The following PAN3 variants were observed in gnomAD, a reference collection of about 807,000 sequenced individuals.
PAN3 encodes PAN2-PAN3 deadenylation complex subunit PAN3.
PAN3 carries 19 observed loss-of-function variants against 96.2 expected under a neutral mutation model. The observed-to-expected ratio is 0.20, with a 90% confidence interval of 0.14 to 0.29. PAN3 has a LOEUF of 0.29. Among genes scored for constraint, PAN3 ranks in the 10% least tolerant of loss-of-function variants. PAN3 has a pLI of 1.00. For missense variants in PAN3, 882 were observed against 1,108.1 expected, an observed-to-expected ratio of 0.80 and a Z score of 2.90; for synonymous variants, 433 against 406.6, an observed-to-expected ratio of 1.06 and a Z score of -0.78.
chr13:28,151,383 T>C (rs1419177976), intron 1 of PAN3, among the ~76,000 whole-genome samples: 1 of 151,782 alleles, frequency 6.6e-6, no homozygotes, highest in Non-Finnish European at 1.5e-5. Context: ...GGCATGGTGG[T>C]GGGCACCTGT....
chr13:28,199,350 T>C (rs1236382234), intron 5 of PAN3, among the ~76,000 whole-genome samples: 1 of 151,872 alleles, frequency 6.6e-6, no homozygotes, highest in African/African-American at 2.4e-5. Flanking sequence ...GCTTGAAAAA[T>C]CTTTAGGTTG....
intron 6 of PAN3, among the ~76,000 whole-genome samples, chr13:28,235,386 C>T (rs1166601901): frequency 6.6e-6 from 1 of 152,170 alleles, no homozygotes; most frequent in Admixed American, 6.6e-5. Context: ...CCCTTTGACT[C>T]TACTTCATAT....
chr13:28,195,884 G>C (rs1158174490), intron 4 of PAN3, among the ~76,000 whole-genome samples: 1 of 152,002 alleles, frequency 6.6e-6, no homozygotes, highest in African/African-American at 2.4e-5. Context: ...CTTGTGGAGT[G>C]GAGAATCTAA....
intron 16 of PAN3, among the ~76,000 whole-genome samples, 198 bp from the exon 17 acceptor site, chr13:28,281,117 T>G (rs1887439759): frequency 6.6e-6 from 1 of 152,212 alleles, no homozygotes; most frequent in Admixed American, 6.5e-5. Flanking sequence ...TATGGACAGC[T>G]CCATAATCTT....
At chr13:28,190,264 A>T (rs1877075137) in intron 4 of PAN3, among the ~76,000 whole-genome samples, 1 of 152,078 alleles carries the variant, frequency 6.6e-6, no homozygotes, top group African/African-American at 2.4e-5. Flanking sequence ...GTTTTTTGAG[A>T]TAGAGCCTCA....
chr13:28,195,489 A>G (rs536321960), intron 4 of PAN3, among the ~76,000 whole-genome samples: 3 of 152,206 alleles, frequency 2.0e-5, no homozygotes, highest in African/African-American at 7.2e-5. Context: ...ATGCAAGTTT[A>G]GTTATTTTTG....
chr13:28,220,469 T>G (rs951254314), intron 6 of PAN3, 91 bp downstream of exon 6: 2 of 1,413,758 alleles, frequency 1.4e-6, no homozygotes, highest in Admixed American at 2.2e-5. Flanking sequence ...ATTGTATACT[T>G]GAATGATTCA....
chr13:28,283,682 A>G (rs1025948981), intron 17 of PAN3, among the ~76,000 whole-genome samples: 1 of 152,254 alleles, frequency 6.6e-6, no homozygotes, highest in East Asian at 1.9e-4. Flanking sequence ...AATAGTTTAC[A>G]AATATGACCT....
At chr13:28,278,881 A>G (rs1887255698) in intron 15 of PAN3, among the ~76,000 whole-genome samples, 1 of 152,140 alleles carries the variant, frequency 6.6e-6, no homozygotes, top group Non-Finnish European at 1.5e-5. Flanking sequence ...ACATGGGTAT[A>G]GCTATTCATT....
intron 7 of PAN3, among the ~76,000 whole-genome samples, chr13:28,259,354 T>C (rs1225846161): frequency 6.6e-6 from 1 of 151,482 alleles, no homozygotes; most frequent in Non-Finnish European, 1.5e-5. Context: ...TCACCCCAGC[T>C]GGAATGCGTT....
At chr13:28,240,036 A>T (rs1460237549) in intron 6 of PAN3, 1 of 154,670 alleles carries the variant, frequency 6.5e-6, no homozygotes, top group Non-Finnish European at 1.4e-5. Flanking sequence ...ATCTTTACAA[A>T]GGTAGTATGC....
Position 28,277,432 on chromosome 13 carries a change from CT to C in PAN3, c.2189+63del, listed in dbSNP as rs1887155404. The C allele has an allele frequency of 1.0e-5, 16 of 1,528,364 alleles. No homozygotes were observed. The East Asian group carries it at 1.2e-4, about 11-fold the overall frequency. 94.7% of individuals were successfully genotyped at this position (1,528,364 alleles called of 1,614,324 possible). A position where few individuals can be genotyped will look rare whatever the true frequency, so the allele number is the denominator to read the frequency against. On this transcript the variant is annotated intron_variant, in intron 15 of 18. Coordinates refer to ENST00000380958, the MANE Select transcript of PAN3 (RefSeq NM_175854.8). Reference sequence around the variant, plus strand: ...AATGATTATTTGCGATAAGACAGAGCTTTTTTTGTTTTAAGTGATTGTTTTG... The same window carrying C: ...AATGATTATTTGCGATAAGACAGAGCTTTTTTGTTTTAAGTGATTGTTTTG...
intron 6 of PAN3, among the ~76,000 whole-genome samples, chr13:28,241,541 G>T (rs1203940256): frequency 6.6e-6 from 1 of 152,152 alleles, no homozygotes; most frequent in East Asian, 1.9e-4. Context: ...TGGTGGCAGG[G>T]GTGGGGTTGT....
chr13:28,169,744 T>G (rs1874059351), intron 1 of PAN3, among the ~76,000 whole-genome samples: 1 of 151,988 alleles, frequency 6.6e-6, no homozygotes, highest in African/African-American at 2.4e-5. Flanking sequence ...GTGGAATGTT[T>G]ACTTTAAAAA....
intron 1 of PAN3, among the ~76,000 whole-genome samples, chr13:28,151,341 C>T (rs750809635): frequency 6.3e-4 from 96 of 151,946 alleles, no homozygotes; most frequent in Non-Finnish European, 1.2e-3. Flanking sequence ...CGGTGAAACC[C>T]CATCTCTACT....
At chr13:28,194,330 T>C (rs1026802462) in intron 4 of PAN3, among the ~76,000 whole-genome samples, 1 of 151,476 alleles carries the variant, frequency 6.6e-6, no homozygotes, top group African/African-American at 2.4e-5. Flanking sequence ...AAACGTTCTT[T>C]GATATGTTGA....
At position 28,292,589 on chromosome 13, in the gene PAN3, G is replaced by C. The variant is rs1397825355; in HGVS notation, c.*67G>C. ...ACCAATAGCAAATTGCACTACAGCT[G>C]AACTTTTCATCATCTCATTCACATT... is the stretch of plus-strand genomic sequence containing the variant. On this transcript the variant is annotated 3_prime_UTR_variant, in exon 19 of 19. Transcript: ENST00000380958. 3 of 1,446,328 alleles carry C rather than the reference G, an allele frequency of 2.1e-6. No individual in the cohort carries two copies. Among genetic ancestry groups the C allele is most frequent in the African/African-American group, 2.9e-5 (2 of 69,914 alleles). 89.6% of individuals were successfully genotyped at this position (1,446,328 alleles called of 1,614,324 possible).
chr13:28,214,713 A>G (rs943432353), intron 5 of PAN3: 2 of 486,826 alleles, frequency 4.1e-6, no homozygotes, highest in Admixed American at 2.8e-5. Flanking sequence ...AAAGCTGAGC[A>G]TGAATGTGGT....
At chr13:28,139,202 C>T (rs1869248234) in intron 1 of PAN3, 115 bp downstream of exon 1, 2 of 1,159,866 alleles carry the variant, frequency 1.7e-6, no homozygotes, top group South Asian at 4.0e-5. Flanking sequence ...CCTCACCTCC[C>T]AAGGCGGTCT....
Sources: allele counts gnomAD v4.1 joint callset (sites outside exome capture counted in the v4.1 genomes callset), GRCh38; gene constraint gnomAD v4.1.1; transcripts MANE v1.5; gene names NCBI Gene and HGNC (gene_info 2026-07-23, HGNC 2026-07-21).